The following PARVB variants were observed in gnomAD, a reference collection of about 807,000 sequenced individuals.
PARVB encodes parvin beta.
Under a neutral mutation model 47.0 loss-of-function variants are expected in PARVB, and 46 were observed. That is an observed-to-expected ratio of 0.98 (90% CI 0.77 to 1.25). The LOEUF (loss-of-function observed/expected upper bound fraction) is 1.25. PARVB is among the 50% of genes most tolerant of loss of function. The pLI, the probability that PARVB is intolerant of heterozygous loss-of-function variation, is 0.00. For synonymous variants in PARVB, 196 were observed against 196.3 expected (o/e 1.00, Z 0.01); for missense variants, 473 against 471.6 (o/e 1.00, Z -0.03).
At chr22:44,094,969 T>C (rs1163171895) in intron 2 of PARVB, among the ~76,000 whole-genome samples, 2 of 151,242 alleles carry the variant, frequency 1.3e-5, no homozygotes, top group East Asian at 3.9e-4. Flanking sequence ...TGGTGTGGCG[T>C]GGCGTGGCAT....
intron 2 of PARVB, among the ~76,000 whole-genome samples, chr22:44,094,781 G>T (rs967341939): frequency 1.3e-5 from 2 of 151,782 alleles, no homozygotes; most frequent in Non-Finnish European, 2.9e-5. Context: ...ATGAGCCACT[G>T]CGCCTGGCCC....
At chr22:44,017,453 G>A (rs1375782364) in intron 2 of PARVB, among the ~76,000 whole-genome samples, 1 of 152,140 alleles carries the variant, frequency 6.6e-6, no homozygotes, top group African/African-American at 2.4e-5. Flanking sequence ...TAAAATGCCA[G>A]GAACCCTCCA....
chr22:44,073,072 T>C (rs1219681445), intron 1 of PARVB, among the ~76,000 whole-genome samples: 1 of 152,176 alleles, frequency 6.6e-6, no homozygotes, highest in African/African-American at 2.4e-5. Flanking sequence ...GGCCTGACCA[T>C]AGTGGATGTC....
intron 3 of PARVB, among the ~76,000 whole-genome samples, chr22:44,117,626 T>A (rs2147120833): frequency 6.6e-6 from 1 of 152,358 alleles, no homozygotes. Flanking sequence ...CTGTTCCTTG[T>A]GGGCTTGTGT....
intron 1 of PARVB, among the ~76,000 whole-genome samples, chr22:44,051,960 A>G (rs2051217271): frequency 6.6e-6 from 1 of 152,148 alleles, no homozygotes; most frequent in Non-Finnish European, 1.5e-5. Context: ...ACTGATGGCC[A>G]CCACCAGAAA....
chr22:44,003,619 C>T (rs1030631897), intron 2 of PARVB, among the ~76,000 whole-genome samples: 6 of 152,184 alleles, frequency 3.9e-5, no homozygotes, highest in African/African-American at 1.4e-4. Flanking sequence ...GGCCAGGGTC[C>T]TAGCCTTTCC....
chr22:44,093,796 C>T, intron 1 of PARVB, 132 bp from the exon 2 acceptor site: 1 of 625,608 alleles, frequency 1.6e-6, no homozygotes. Context: ...TTCTGGGCAA[C>T]AGACCTTTTA....
At chr22:44,135,257 A>G (rs947168130) in intron 6 of PARVB, among the ~76,000 whole-genome samples, 1 of 148,334 alleles carries the variant, frequency 6.7e-6, no homozygotes, top group Non-Finnish European at 1.5e-5. Flanking sequence ...CCTCACTACC[A>G]TCATTACTTT....
chr22:44,063,951 G>A (rs1004041124), intron 1 of PARVB, among the ~76,000 whole-genome samples: 3 of 152,210 alleles, frequency 2.0e-5, no homozygotes, highest in Admixed American at 6.5e-5. Context: ...CAGGTGTTCC[G>A]TGGATGGGGT....
chr22:44,120,730 T>TAGC (rs1380775084), intron 4 of PARVB, among the ~76,000 whole-genome samples: 1 of 151,782 alleles, frequency 6.6e-6, no homozygotes, highest in African/African-American at 2.4e-5. Context: ...GGCTGGAGTG[T>TAGC]AGTGGGGTGA....
In PARVB at chr22:44,164,898, C is replaced by A. The variant is rs144263200; in HGVS notation, c.1018+968C>A. Among the ~76,000 whole-genome samples the A allele has an allele frequency of 4.9e-4, 74 of 152,350 alleles. 1 individual carries two copies. Among genetic ancestry groups the A allele is most frequent in the South Asian group, 2.1e-3 (10 of 4,830 alleles). On this transcript the variant is annotated intron_variant, in intron 12 of 12. Transcript: ENST00000338758. ...AGCCACCGCTTCCTGCCAGTCCACGCGGAAGGTTCCTGGCCGGTCCCTTCC... is the reference window on the plus strand; with the variant it reads ...AGCCACCGCTTCCTGCCAGTCCACGAGGAAGGTTCCTGGCCGGTCCCTTCC...
In PARVB at chr22:44,067,501, C is replaced by T. The variant is rs118122712; in HGVS notation, c.113-26427C>T. On this transcript the variant is annotated intron_variant, in intron 1 of 12. Coordinates refer to ENST00000338758, the MANE Select transcript of PARVB (RefSeq NM_013327.5). ...GATACACACACGTCAGGAAGACCCT[C>T]CCTTGCCCCAGCCTTCCTTCGTGGG... Among the ~76,000 whole-genome samples, 78 of 152,372 alleles carry T rather than the reference C, an allele frequency of 5.1e-4. 1 individual carries two copies. The East Asian group carries it at 0.014, about 27-fold the overall frequency.
At chr22:44,101,485 C>T (rs1344189459) in intron 3 of PARVB, among the ~76,000 whole-genome samples, 1 of 151,978 alleles carries the variant, frequency 6.6e-6, no homozygotes, top group Non-Finnish European at 1.5e-5. Flanking sequence ...CGCAGTGGCT[C>T]ATGCCTGTAA....
At chr22:44,057,884 G>C (rs530058347) in intron 1 of PARVB, among the ~76,000 whole-genome samples, 1 of 152,206 alleles carries the variant, frequency 6.6e-6, no homozygotes, top group South Asian at 2.1e-4. Context: ...GAGCCTCCCA[G>C]TGTGGCATGA....
intron 2 of PARVB, among the ~76,000 whole-genome samples, chr22:44,010,104 C>T (rs2050507351): frequency 1.3e-5 from 2 of 152,178 alleles, no homozygotes; most frequent in African/African-American, 4.8e-5. Flanking sequence ...CTGCGCCCGT[C>T]CCCATATGAA....
At chr22:44,050,133 T>C (rs2051182118) in intron 1 of PARVB, among the ~76,000 whole-genome samples, 1 of 152,178 alleles carries the variant, frequency 6.6e-6, no homozygotes, top group African/African-American at 2.4e-5. Flanking sequence ...CAGAGTCTCG[T>C]TGGCGGCTCT....
chr22:44,012,226 T>C (rs1215353743), intron 2 of PARVB, among the ~76,000 whole-genome samples: 3 of 152,194 alleles, frequency 2.0e-5, no homozygotes, highest in Non-Finnish European at 4.4e-5. Context: ...AAAACGCATA[T>C]GTGGTTTACT....
chr22:44,166,825 AT>A (rs1171338621), intron 12 of PARVB, among the ~76,000 whole-genome samples: 7 of 152,368 alleles, frequency 4.6e-5, no homozygotes, highest in Non-Finnish European at 8.8e-5. Context: ...TTCCTTCTTC[AT>A]TCAAAATCAG....
intron 1 of PARVB, among the ~76,000 whole-genome samples, chr22:44,038,977 A>G (rs1215963412): frequency 3.3e-5 from 5 of 152,198 alleles, no homozygotes; most frequent in Non-Finnish European, 7.3e-5. Context: ...ACGTCACCAA[A>G]GAAGATTGAC....
Sources: gnomAD v4.1 joint callset for allele counts (sites outside exome capture counted in the v4.1 genomes callset) on GRCh38, gnomAD v4.1.1 for gene constraint, MANE v1.5 for transcripts, NCBI Gene and HGNC (gene_info 2026-07-23, HGNC 2026-07-21) for gene names.